Variants in PLXNA4 observed in about 807,000 individuals in gnomAD.
PLXNA4 encodes the protein plexin-A4.
A neutral mutation model predicts 191.8 loss-of-function variants in PLXNA4; 44 were observed. The ratio of observed to expected loss-of-function variants is 0.23; its 90% CI spans 0.18 to 0.29. The LOEUF is 0.29. Ranked by LOEUF, PLXNA4 falls within the 10% of genes least tolerant of loss-of-function variation. PLXNA4 has a pLI of 1.00. For synonymous variants in PLXNA4, 1,082 were observed against 1,009.5 expected (o/e 1.07, Z -1.36); for missense variants, 1,800 against 2,488.8 (o/e 0.72, Z 5.89).
chr7:132,451,760 G>A (rs901322249), intron 3 of PLXNA4, among the ~76,000 whole-genome samples: 1 of 152,214 alleles, frequency 6.6e-6, no homozygotes, highest in African/African-American at 2.4e-5. Flanking sequence ...CCGGCCCCTG[G>A]AAGAGACCAA....
chr7:132,493,755 A>ATGGGTGGATGGG, intron 2 of PLXNA4, among the ~76,000 whole-genome samples: 1 of 12,092 alleles, frequency 8.3e-5, no homozygotes, highest in Non-Finnish European at 2.5e-4. Context: ...GGGTGGATGG[A>ATGGGTGGATGGG]TGGATGGATG....
chr7:132,573,522 C>T (rs144873819), intron 1 of PLXNA4, among the ~76,000 whole-genome samples: 199 of 152,302 alleles, frequency 1.3e-3, no homozygotes, highest in African/African-American at 4.6e-3. Context: ...TCCTAGAAAG[C>T]CCCCACTTCA....
chr7:132,371,857 T>TA (rs1423068683), intron 3 of PLXNA4, among the ~76,000 whole-genome samples: 25 of 152,180 alleles, frequency 1.6e-4, no homozygotes, highest in Non-Finnish European at 3.5e-4. Context: ...AAGAGTGCTT[T>TA]AATCCATGAA....
At chr7:132,394,770 C>T (rs1381503065) in intron 3 of PLXNA4, among the ~76,000 whole-genome samples, 1 of 152,198 alleles carries the variant, frequency 6.6e-6, no homozygotes, top group Non-Finnish European at 1.5e-5. Context: ...CTGTCCTTGC[C>T]CTGGGATTCT....
intron 22 of PLXNA4, 131 bp from the exon 23 acceptor site, chr7:132,165,331 C>T (rs1796090431): frequency 1.0e-5 from 14 of 1,334,920 alleles, no homozygotes; most frequent in Admixed American, 2.8e-5. Flanking sequence ...TAGGCCAAAC[C>T]TTGCGATCCT....
chr7:132,507,882 G>A lies in PLXNA4; in HGVS notation c.812C>T (p.Thr271Ile). 1 of 1,614,178 alleles carries A rather than the reference G, an allele frequency of 6.2e-7. No homozygotes were observed. Among genetic ancestry groups the A allele is most frequent in the Non-Finnish European group, 8.5e-7 (1 of 1,180,032 alleles). The change falls in exon 2 of 32, where the codon ACC (threonine) becomes ATC (isoleucine). Residue 271 changes from threonine to isoleucine, a missense_variant. Thr to Ile is a moderately conservative substitution (Grantham distance 89). Coordinates refer to ENST00000321063, the MANE Select transcript of PLXNA4 (RefSeq NM_020911.2). The part of the protein sequence containing the change: ...PEMVSPPGST[T>I]KEQVYTSKLV... ...CTTGGATGTATACACCTGCTCCTTG[G>A]TGGTGGAGCCTGGTGGAGACACCAT...
At chr7:132,193,268 GCA>G (rs1462767496) in intron 14 of PLXNA4, among the ~76,000 whole-genome samples, 1 of 152,156 alleles carries the variant, frequency 6.6e-6, no homozygotes, top group East Asian at 1.9e-4. Flanking sequence ...TTGCTCTCTT[GCA>G]CACAGTCTCC....
chr7:132,341,357 G>T (rs1448577213), intron 3 of PLXNA4, among the ~76,000 whole-genome samples: 1 of 152,108 alleles, frequency 6.6e-6, no homozygotes, highest in Non-Finnish European at 1.5e-5. Flanking sequence ...AGAAAAAAAG[G>T]CCGGCAATTA....
At chr7:132,297,947 A>T in intron 4 of PLXNA4, 144 bp downstream of exon 4, 1 of 1,031,416 alleles carries the variant, frequency 9.7e-7, no homozygotes, top group Non-Finnish European at 1.4e-6. Context: ...AGGCAGCATA[A>T]CTGAAAAGTA....
chr7:132,196,070 C>T (rs901525123), intron 13 of PLXNA4, among the ~76,000 whole-genome samples: 1 of 152,168 alleles, frequency 6.6e-6, no homozygotes, highest in Non-Finnish European at 1.5e-5. Context: ...ACTGAAACCC[C>T]CACTAGTTGC....
chr7:132,176,457 T>C (rs1274458530), intron 20 of PLXNA4, among the ~76,000 whole-genome samples: 1 of 152,140 alleles, frequency 6.6e-6, no homozygotes. Context: ...TAAGAGAGTG[T>C]GGGAACATGT....
intron 3 of PLXNA4, among the ~76,000 whole-genome samples, chr7:132,387,802 G>C (rs1169908387): frequency 6.6e-6 from 1 of 152,222 alleles, no homozygotes; most frequent in Admixed American, 6.5e-5. Flanking sequence ...TGTCTACTTA[G>C]CTGGTTGACT....
chr7:132,530,124 TAGAC>T (rs1799567911), intron 1 of PLXNA4, among the ~76,000 whole-genome samples: 2 of 152,166 alleles, frequency 1.3e-5, no homozygotes, highest in African/African-American at 2.4e-5. Flanking sequence ...TTATTATTAA[TAGAC>T]AGAGAGAGGA....
At chr7:132,592,848 T>C (rs1202652117) in intron 2 of PLXNA4, among the ~76,000 whole-genome samples, 1 of 151,660 alleles carries the variant, frequency 6.6e-6, no homozygotes, top group Non-Finnish European at 1.5e-5. Context: ...GCCTTTTTTT[T>C]TCCAGAAGCA....
chr7:132,214,646 G>A (rs530671627), intron 9 of PLXNA4, among the ~76,000 whole-genome samples: 1 of 152,122 alleles, frequency 6.6e-6, no homozygotes, highest in Admixed American at 6.5e-5. Flanking sequence ...GGGCAACTTC[G>A]GATAAACTTT....
At chr7:132,145,321 G>T in intron 28 of PLXNA4, 33 bp from the exon 29 acceptor site, 1 of 1,611,148 alleles carries the variant, frequency 6.2e-7, no homozygotes, top group South Asian at 1.1e-5. Context: ...GACACAGCTC[G>T]ACTCACGTAG....
chr7:132,619,990 G>A (rs1441611134), intron 2 of PLXNA4, among the ~76,000 whole-genome samples: 1 of 152,194 alleles, frequency 6.6e-6, no homozygotes, highest in Non-Finnish European at 1.5e-5. Context: ...TTTTAGTAGA[G>A]ATGGGGTTTC....
intron 3 of PLXNA4, among the ~76,000 whole-genome samples, chr7:132,350,231 C>T (rs936027442): frequency 7.2e-5 from 11 of 152,276 alleles, no homozygotes; most frequent in African/African-American, 2.4e-4. Flanking sequence ...GGGCCAGGTG[C>T]GGTGGCTCAC....
At chr7:132,405,330 C>T (rs1400840156) in intron 3 of PLXNA4, among the ~76,000 whole-genome samples, 1 of 152,158 alleles carries the variant, frequency 6.6e-6, no homozygotes, top group East Asian at 1.9e-4. Context: ...GCTGTGCCTA[C>T]AGCTGCTCTT....
Sources: gnomAD v4.1 joint callset for allele counts (sites outside exome capture counted in the v4.1 genomes callset) on GRCh38, gnomAD v4.1.1 for gene constraint, MANE v1.5 for transcripts, NCBI Gene and HGNC (gene_info 2026-07-23, HGNC 2026-07-21) for gene names.